The following ZNF704 variants were observed in gnomAD, a reference collection of about 807,000 sequenced individuals.
The protein encoded by ZNF704 is zinc finger protein 704, also known as glucocorticoid induced gene 1.
A neutral mutation model predicts 44.7 loss-of-function variants in ZNF704; 10 were observed. That is an observed-to-expected ratio of 0.22 (90% CI 0.14 to 0.38). The LOEUF is 0.38. Ranked by LOEUF, ZNF704 falls within the 10% of genes least tolerant of loss-of-function variation. ZNF704 has a pLI of 1.00. For synonymous variants in ZNF704, 211 were observed against 207.6 expected (o/e 1.02, Z -0.14); for missense variants, 390 against 545.5 (o/e 0.71, Z 2.84).
At chr8:80,704,480 G>A (rs1233273498) in intron 2 of ZNF704, among the ~76,000 whole-genome samples, 2 of 152,152 alleles carry the variant, frequency 1.3e-5, no homozygotes, top group African/African-American at 2.4e-5. Flanking sequence ...GTATGCTAAC[G>A]AGATGACTGG....
intron 4 of ZNF704, among the ~76,000 whole-genome samples, chr8:80,671,589 T>G (rs1038268207): frequency 1.3e-5 from 2 of 152,230 alleles, no homozygotes; most frequent in Non-Finnish European, 2.9e-5. Flanking sequence ...GAGTAAATTT[T>G]ATAGAAAGTG....
Position 80,638,804 on chromosome 8 carries a change from AC to A in ZNF704, c.*2561del, listed in dbSNP as rs1409897306. 1 of 152,316 alleles carries A rather than the reference AC, an allele frequency of 6.6e-6. No individual in the cohort carries two copies. The highest frequency in any genetic ancestry group is 1.9e-4 in the East Asian group (1 of 5,206). The allele number at this position is 152,316 out of a possible 1,614,324, so 9.4% of individuals were successfully genotyped here. ...TGCACCTGAAGCCAGAAAAGAAAGT[AC>A]ACAGAGCCGTGGGCTAGCAGGCAGA... On this transcript the variant is annotated 3_prime_UTR_variant, in exon 9 of 9. Transcript: ENST00000327835.
chr8:80,687,565 T>C lies in ZNF704; in HGVS notation c.326-107A>G, dbSNP rs934943991. 9 of 763,702 alleles carry C rather than the reference T, an allele frequency of 1.2e-5. No homozygotes were observed. The East Asian group carries it at 2.2e-4, about 19-fold the overall frequency. 47.3% of individuals were successfully genotyped at this position (763,702 alleles called of 1,614,324 possible). A position where few individuals can be genotyped will look rare whatever the true frequency, so the allele number is the denominator to read the frequency against. On this transcript the variant is annotated intron_variant, in intron 3 of 8. Coordinates refer to ENST00000327835, the MANE Select transcript of ZNF704 (RefSeq NM_001033723.3). ...TACACCAGTGAAACCACCCCAGCCCTCTCAATCATCTGCAACAGCTGGGTA... is the reference window on the plus strand; with the variant it reads ...TACACCAGTGAAACCACCCCAGCCCCCTCAATCATCTGCAACAGCTGGGTA...
chr8:80,765,520 A>G lies in ZNF704; in HGVS notation c.221+55854T>C, dbSNP rs563016021. ...TTAATTTCCAAATAAAGACAATAACAAGGTAATAGTTCAGCCCAACATGAG... is the reference window on the plus strand; with the variant it reads ...TTAATTTCCAAATAAAGACAATAACGAGGTAATAGTTCAGCCCAACATGAG... On this transcript the variant is annotated intron_variant, in intron 2 of 8. Transcript: ENST00000327835. Among the ~76,000 whole-genome samples, 18 of 152,312 alleles carry G rather than the reference A, an allele frequency of 1.2e-4. No homozygotes were observed. The South Asian group carries it at 3.5e-3, about 30-fold the overall frequency.
At chr8:80,757,156 CAGA>C (rs1272765372) in intron 2 of ZNF704, among the ~76,000 whole-genome samples, 1 of 152,052 alleles carries the variant, frequency 6.6e-6, no homozygotes, top group Non-Finnish European at 1.5e-5. Flanking sequence ...AGAGGTATTT[CAGA>C]AGAAGGCATT....
chr8:80,728,579 C>T (rs2131678050), intron 2 of ZNF704, among the ~76,000 whole-genome samples: 1 of 152,256 alleles, frequency 6.6e-6, no homozygotes, highest in African/African-American at 2.4e-5. Flanking sequence ...AACACTGTAA[C>T]TGTTCCATGT....
intron 2 of ZNF704, among the ~76,000 whole-genome samples, chr8:80,810,805 G>A (rs919987437): frequency 6.6e-6 from 1 of 152,200 alleles, no homozygotes; most frequent in African/African-American, 2.4e-5. Flanking sequence ...CAGGAATCAT[G>A]CTGCAGATTT....
chr8:80,825,094 T>C (rs1328752148), intron 1 of ZNF704, among the ~76,000 whole-genome samples: 5 of 152,286 alleles, frequency 3.3e-5, no homozygotes, highest in African/African-American at 1.2e-4. Context: ...TTAATGTAAA[T>C]GGGCTAAATG....
intron 4 of ZNF704, among the ~76,000 whole-genome samples, chr8:80,674,549 A>G (rs1334394820): frequency 6.6e-6 from 1 of 152,104 alleles, no homozygotes; most frequent in Non-Finnish European, 1.5e-5. Flanking sequence ...TGGCTTTACA[A>G]CAACCCACTC....
At chr8:80,720,429 G>A (rs1157227268) in intron 2 of ZNF704, among the ~76,000 whole-genome samples, 1 of 152,204 alleles carries the variant, frequency 6.6e-6, no homozygotes, top group African/African-American at 2.4e-5. Flanking sequence ...TAAATTTCAA[G>A]ACTAGTTTAT....
chr8:80,790,757 A>T (rs1421943258), intron 2 of ZNF704, among the ~76,000 whole-genome samples: 1 of 152,106 alleles, frequency 6.6e-6, no homozygotes, highest in Non-Finnish European at 1.5e-5. Context: ...GAGGGTTAAG[A>T]AGTTCTGAGG....
chr8:80,685,372 CTGTGAGTCCT>C (rs1431874655), intron 4 of ZNF704, among the ~76,000 whole-genome samples: 1 of 152,140 alleles, frequency 6.6e-6, no homozygotes, highest in Non-Finnish European at 1.5e-5. Flanking sequence ...GTTCCCTGTA[CTGTGAGTCCT>C]TGTCACAACC....
chr8:80,702,156 C>A (rs1818820229), intron 2 of ZNF704, among the ~76,000 whole-genome samples: 2 of 152,108 alleles, frequency 1.3e-5, no homozygotes, highest in Admixed American at 1.3e-4. Flanking sequence ...GGAGGAACAA[C>A]CACCCCGTCT....
At chr8:80,693,362 G>A (rs1818672245) in intron 2 of ZNF704, among the ~76,000 whole-genome samples, 1 of 152,192 alleles carries the variant, frequency 6.6e-6, no homozygotes, top group African/African-American at 2.4e-5. Context: ...AGAGTGTGCT[G>A]TGGGCTAGAC....
At chr8:80,642,166 C>CTA (rs903651157) in intron 8 of ZNF704, among the ~76,000 whole-genome samples, 14 of 152,080 alleles carry the variant, frequency 9.2e-5, no homozygotes, top group African/African-American at 2.9e-4. Context: ...AGTACAAACC[C>CTA]TATATATATA....
At chr8:80,649,508 G>T (rs1346715099) in intron 7 of ZNF704, among the ~76,000 whole-genome samples, 1 of 152,222 alleles carries the variant, frequency 6.6e-6, no homozygotes, top group African/African-American at 2.4e-5. Context: ...CGGCACACCA[G>T]GAGATTATAT....
intron 4 of ZNF704, among the ~76,000 whole-genome samples, chr8:80,678,931 A>T (rs73691992): frequency 6.6e-6 from 1 of 151,960 alleles, no homozygotes; most frequent in Non-Finnish European, 1.5e-5. Flanking sequence ...GAAAGCAGGA[A>T]GGTATTGATT....
chr8:80,868,886 C>T (rs1177527205), intron 1 of ZNF704, among the ~76,000 whole-genome samples: 1 of 152,092 alleles, frequency 6.6e-6, no homozygotes, highest in Non-Finnish European at 1.5e-5. Context: ...AACAATAATT[C>T]CATCTCTTTC....
intron 1 of ZNF704, chr8:80,873,464 G>A (rs1383800922): frequency 1.3e-5 from 2 of 151,880 alleles, no homozygotes; most frequent in Non-Finnish European, 2.9e-5. Context: ...TCCTCGGCCA[G>A]GCGCCTTGCC....
Sources: gnomAD v4.1 joint callset for allele counts (sites outside exome capture counted in the v4.1 genomes callset) on GRCh38, gnomAD v4.1.1 for gene constraint, MANE v1.5 for transcripts, NCBI Gene and HGNC (gene_info 2026-07-23, HGNC 2026-07-21) for gene names.